SLC40A1: variants seen among roughly 807,000 people sequenced by gnomAD.
SLC40A1 encodes the protein solute carrier family 40 member 1, also known as ferroportin.
A neutral mutation model predicts 53.5 loss-of-function variants in SLC40A1; 16 were observed. That is an observed-to-expected ratio of 0.30 (90% CI 0.20 to 0.45). The LOEUF (loss-of-function observed/expected upper bound fraction) is 0.45. Ranked by LOEUF, SLC40A1 falls within the 20% of genes least tolerant of loss-of-function variation. The pLI is 1.00. For missense variants in SLC40A1, 545 were observed against 695.4 expected (o/e 0.78, Z 2.43); for synonymous variants, 247 against 253.2 (o/e 0.98, Z 0.23).
At chr2:189,569,595 A>C (rs984489253) in intron 5 of SLC40A1, among the ~76,000 whole-genome samples, 17 of 152,182 alleles carry the variant, frequency 1.1e-4, no homozygotes, top group African/African-American at 3.9e-4. Context: ...CCACAATTAG[A>C]TACTTTCTGA....
Position 189,563,699 on chromosome 2 carries a change from T to C in SLC40A1, c.1287A>G (p.Glu429=). The C allele has an allele frequency of 6.2e-7, 1 of 1,614,170 alleles. No individual in the cohort carries two copies. The highest frequency in any genetic ancestry group is 8.5e-7 in the Non-Finnish European group (1 of 1,179,994). Residue 429 remains glutamate, a synonymous_variant, in exon 7 of 8, where the codon GAA becomes GAG. Transcript: ENST00000261024. ...AATTAGACCCATTAGACATGTATAT[T>C]TCAGTTGTAATTTCAGGTATCTTGG... ...TPTKIPEITT[E]IYMSNGSNSA...
chr2:189,579,726 C>T, intron 2 of SLC40A1, 87 bp downstream of exon 2: 1 of 1,153,060 alleles, frequency 8.7e-7, no homozygotes, highest in Non-Finnish European at 1.3e-6. Flanking sequence ...CTTGACAAAA[C>T]TGGAAGTTGG....
At chr2:189,568,567 C>CT (rs2031011064) in intron 5 of SLC40A1, among the ~76,000 whole-genome samples, 2 of 152,150 alleles carry the variant, frequency 1.3e-5, no homozygotes, top group South Asian at 4.1e-4. Flanking sequence ...AATATACGCT[C>CT]TTTACCAATT....
intron 5 of SLC40A1, among the ~76,000 whole-genome samples, chr2:189,569,983 TAC>T (rs1491216692): frequency 9.1e-5 from 13 of 143,362 alleles, no homozygotes; most frequent in South Asian, 8.7e-4. Context: ...TGTATATATA[TAC>T]ACACCTATAT....
At chr2:189,573,802 A>G (rs1346810066) in intron 3 of SLC40A1, among the ~76,000 whole-genome samples, 1 of 152,234 alleles carries the variant, frequency 6.6e-6, no homozygotes, top group Non-Finnish European at 1.5e-5. Context: ...CAAGGATAAT[A>G]TAGTTCATCC....
chr2:189,569,754 T>C (rs1351805646), intron 5 of SLC40A1, among the ~76,000 whole-genome samples: 1 of 152,118 alleles, frequency 6.6e-6, no homozygotes, highest in Admixed American at 6.6e-5. Flanking sequence ...TCAACAAACA[T>C]CTCACTTCCT....
chr2:189,573,214 T>C lies in SLC40A1; in HGVS notation c.272-253A>G, dbSNP rs144049734. ...TTTCTCTGTTCACTGAAGTCTATCA[T>C]AATGACTACATTTTCATTTAGTTTA... On this transcript the variant is annotated intron_variant, in intron 3 of 7. Coordinates refer to ENST00000261024, the MANE Select transcript of SLC40A1 (RefSeq NM_014585.6). Among the ~76,000 whole-genome samples, 330 of 152,320 alleles carry C rather than the reference T, an allele frequency of 2.2e-3. 1 individual carries two copies. Among genetic ancestry groups the C allele is most frequent in the Admixed American group, 3.8e-3 (58 of 15,284 alleles).
chr2:189,563,208 G>A (rs951980597), intron 7 of SLC40A1, among the ~76,000 whole-genome samples: 2 of 149,978 alleles, frequency 1.3e-5, no homozygotes, highest in African/African-American at 4.9e-5. Context: ...CCAGGAGGTC[G>A]AGGCTGCAGT....
In SLC40A1 at chr2:189,563,855, T is replaced by G. The variant is rs2030839564; in HGVS notation, c.1131A>C (p.Gly377=). The change falls in exon 7 of 8, where the codon GGA becomes GGC. Residue 377 remains glycine, a synonymous_variant. Coordinates refer to ENST00000261024, the MANE Select transcript of SLC40A1 (RefSeq NM_014585.6). ...CGLVRTGLIS[G]LAQLSCLILC... ...AGATCAAACAGGAAAGCTGTGCCAA[T>G]CCTGAGATCAGACCTGTCCGAACCA... The G allele has an allele frequency of 6.8e-6, 11 of 1,614,148 alleles. No homozygotes were observed. The highest frequency in any genetic ancestry group is 9.3e-6 in the Non-Finnish European group (11 of 1,180,034).
Position 189,580,597 on chromosome 2 carries a change from A to G in SLC40A1, c.-137T>C. On this transcript the variant is annotated 5_prime_UTR_variant, in exon 1 of 8. Transcript: ENST00000261024. ...CAACAGCCTTGGGCAAAAAGACTAC[A>G]ACGACGACTTTGGCAAAGAACAAAA... 1.9e-6 allele frequency: 3 copies of G among 1,571,054 alleles called. No homozygotes were observed. Among genetic ancestry groups the G allele is most frequent in the South Asian group, 2.3e-5 (2 of 88,140 alleles).
rs1035270369 is a variant in SLC40A1, at chr2:189,565,614, G to C, written c.515-15C>G. On this transcript the variant is annotated splice_polypyrimidine_tract_variant and intron_variant, in intron 5 of 7. Coordinates refer to ENST00000261024, the MANE Select transcript of SLC40A1 (RefSeq NM_014585.6). ...GGCATTCATATCTAGAGAGGCAGGT[G>C]AAAGAGGCAGGTAAGTGTGCAAACC... is the stretch of plus-strand genomic sequence containing the variant. 6.2e-7 allele frequency: 1 copy of C among 1,614,150 alleles called. No homozygotes were observed. The highest frequency in any genetic ancestry group is 1.1e-5 in the South Asian group (1 of 91,078).
Position 189,561,616 on chromosome 2 carries a change from T to C in SLC40A1, c.*262A>G, listed in dbSNP as rs2030741502. 6.8e-6 allele frequency: 3 copies of C among 440,686 alleles called. No individual in the cohort carries two copies. Among genetic ancestry groups the C allele is most frequent in the Admixed American group, 3.8e-5 (1 of 26,248 alleles). The allele number at this position is 440,686 out of a possible 1,614,324, so 27.3% of individuals were successfully genotyped here. Reference sequence around the variant, plus strand: ...TAAGATTGTATCTACTCATGAGAAATAGGGGAATTCAGTGTTATCATTATA... The same window carrying C: ...TAAGATTGTATCTACTCATGAGAAACAGGGGAATTCAGTGTTATCATTATA... On this transcript the variant is annotated 3_prime_UTR_variant, in exon 8 of 8. Transcript: ENST00000261024.
chr2:189,580,658 T>C lies in SLC40A1; in HGVS notation c.-198A>G. On this transcript the variant is annotated 5_prime_UTR_variant, in exon 1 of 8. Transcript: ENST00000261024. ...CCAGGGATTTTCTTTTTTCCTTCTTTCCAAACTTAGCTAACACTGTAGCTG... is the reference window on the plus strand; with the variant it reads ...CCAGGGATTTTCTTTTTTCCTTCTTCCCAAACTTAGCTAACACTGTAGCTG... 6.6e-7 allele frequency: 1 copy of C among 1,517,640 alleles called. No individual in the cohort carries two copies. The highest frequency in any genetic ancestry group is 1.2e-5 in the South Asian group (1 of 82,786). The allele number at this position is 1,517,640 out of a possible 1,614,324, so 94.0% of individuals were successfully genotyped here.
chr2:189,565,259 T>C, intron 6 of SLC40A1, 95 bp downstream of exon 6: 4 of 1,523,992 alleles, frequency 2.6e-6, no homozygotes, highest in Non-Finnish European at 3.6e-6. Flanking sequence ...CCACTGGTAA[T>C]AAAACCTGAT....
chr2:189,579,651 G>A (rs2031394131), intron 2 of SLC40A1, among the ~76,000 whole-genome samples, 162 bp downstream of exon 2: 1 of 152,228 alleles, frequency 6.6e-6, no homozygotes, highest in South Asian at 2.1e-4. Context: ...CATGGGGAAA[G>A]ATCTTCGATG....
chr2:189,571,936 AATG>A (rs1180079886), intron 4 of SLC40A1, 95 bp from the exon 5 acceptor site: 1 of 824,606 alleles, frequency 1.2e-6, no homozygotes, highest in East Asian at 2.4e-5. Context: ...TCTTTGGTGG[AATG>A]ATAAAAAAAG....
chr2:189,577,654 G>A (rs1249615347), intron 2 of SLC40A1, among the ~76,000 whole-genome samples: 2 of 118,652 alleles, frequency 1.7e-5, no homozygotes. Flanking sequence ...TTATTCTGTT[G>A]TCCAGGCTGG....
chr2:189,562,651 A>G (rs1336473497), intron 7 of SLC40A1, among the ~76,000 whole-genome samples: 1 of 152,230 alleles, frequency 6.6e-6, no homozygotes, highest in African/African-American at 2.4e-5. Context: ...CTGGAAATTA[A>G]TATCTTCAAT....
chr2:189,576,193 T>A lies in SLC40A1; in HGVS notation c.112-873A>T, dbSNP rs558141157. Among the ~76,000 whole-genome samples, 8 of 152,324 alleles carry A rather than the reference T, an allele frequency of 5.3e-5. No individual in the cohort carries two copies. The South Asian group carries it at 1.4e-3, about 28-fold the overall frequency. On this transcript the variant is annotated intron_variant, in intron 2 of 7. Transcript: ENST00000261024. ...GATTTTAGGCTCCATCCCTGACTTC[T>A]GAAATTAACATTAAGGAGGACAACC... is the stretch of plus-strand genomic sequence containing the variant.
Sources: allele counts gnomAD v4.1 joint callset (sites outside exome capture counted in the v4.1 genomes callset), GRCh38; gene constraint gnomAD v4.1.1; transcripts MANE v1.5; gene names NCBI Gene and HGNC (gene_info 2026-07-23, HGNC 2026-07-21).